Variants in ELAVL2 observed in about 807,000 individuals in gnomAD.
ELAVL2 encodes ELAV-like protein 2.
Under a neutral mutation model 34.6 loss-of-function variants are expected in ELAVL2, and 4 were observed. The ratio of observed to expected loss-of-function variants is 0.12; its 90% CI spans 0.06 to 0.26. ELAVL2 has a LOEUF of 0.26. Ranked by LOEUF, ELAVL2 falls within the 10% of genes least tolerant of loss-of-function variation. The pLI, the probability that ELAVL2 is intolerant of heterozygous loss-of-function variation, is 1.00. For synonymous variants in ELAVL2, 193 were observed against 154.8 expected, an observed-to-expected ratio of 1.25 and a Z score of -1.83; for missense variants, 432 against 442.8, an observed-to-expected ratio of 0.98 and a Z score of 0.22.
intron 3 of ELAVL2, among the ~76,000 whole-genome samples, chr9:23,715,573 A>G (rs1403869268): frequency 6.6e-6 from 1 of 152,178 alleles, no homozygotes; most frequent in African/African-American, 2.4e-5. Flanking sequence ...AAAATCAGAT[A>G]TATTCATTCA....
chr9:23,808,201 T>C (rs1347192241), intron 1 of ELAVL2, among the ~76,000 whole-genome samples: 2 of 148,656 alleles, frequency 1.3e-5, no homozygotes, highest in African/African-American at 5.0e-5. Context: ...CAAATGATCT[T>C]CACTAATCAC....
In ELAVL2 at chr9:23,762,002, T is replaced by A. The variant is rs769814644; in HGVS notation, c.229+4A>T. On this transcript the variant is annotated splice_donor_region_variant and intron_variant, in intron 2 of 6. Coordinates refer to ENST00000397312, the MANE Select transcript of ELAVL2 (RefSeq NM_004432.5). ...ATATAAATCATCTACATAAAACTGC[T>A]TACCTGTTATTTTGTCTCTTACAAG... The A allele has an allele frequency of 6.2e-7, 1 of 1,609,882 alleles. No individual in the cohort carries two copies. Among genetic ancestry groups the A allele is most frequent in the Non-Finnish European group, 8.5e-7 (1 of 1,177,658 alleles).
intron 1 of ELAVL2, among the ~76,000 whole-genome samples, chr9:23,788,428 G>C (rs866734866): frequency 6.6e-6 from 1 of 152,080 alleles, no homozygotes; most frequent in African/African-American, 2.4e-5. Flanking sequence ...AGCCCCAATA[G>C]ATGCCTGAAA....
intron 1 of ELAVL2, among the ~76,000 whole-genome samples, chr9:23,816,224 T>C (rs2063682017): frequency 7.2e-6 from 1 of 139,552 alleles, no homozygotes; most frequent in Admixed American, 8.0e-5. Flanking sequence ...TCTAAAGAAA[T>C]GCAGGAAAGC....
At chr9:23,772,534 CAAAAA>C (rs11450267) in intron 1 of ELAVL2, among the ~76,000 whole-genome samples, 15 of 67,658 alleles carry the variant, frequency 2.2e-4, no homozygotes, top group Admixed American at 1.9e-3. Context: ...CAGCTTACAC[CAAAAA>C]AAAAAAAAAA....
intron 2 of ELAVL2, among the ~76,000 whole-genome samples, chr9:23,735,802 A>G (rs1344103785): frequency 2.0e-5 from 3 of 152,214 alleles, no homozygotes; most frequent in Non-Finnish European, 4.4e-5. Context: ...ATCATGGTCA[A>G]GGGATCTATA....
chr9:23,770,370 C>T (rs1465073735), intron 1 of ELAVL2, among the ~76,000 whole-genome samples: 2 of 152,108 alleles, frequency 1.3e-5, no homozygotes, highest in Non-Finnish European at 2.9e-5. Context: ...AGAAAAATCC[C>T]CTTCCCCTCA....
At chr9:23,723,194 G>A (rs921017981) in intron 3 of ELAVL2, among the ~76,000 whole-genome samples, 5 of 152,048 alleles carry the variant, frequency 3.3e-5, no homozygotes, top group Non-Finnish European at 5.9e-5. Flanking sequence ...ATGATAGACT[G>A]GATTAAGAAA....
intron 3 of ELAVL2, among the ~76,000 whole-genome samples, chr9:23,707,171 C>T (rs2039595368): frequency 1.3e-5 from 2 of 152,162 alleles, no homozygotes; most frequent in South Asian, 4.1e-4. Flanking sequence ...AAGTGAAGAA[C>T]AAGTGGCCAA....
intron 4 of ELAVL2, among the ~76,000 whole-genome samples, chr9:23,702,981 A>AAAAAAAAAAAAAAAC (rs2037974733): frequency 1.5e-5 from 2 of 129,624 alleles, no homozygotes; most frequent in Non-Finnish European, 3.2e-5. Flanking sequence ...AAAAAAAAAA[A>AAAAAAAAAAAAAAAC]CAGCCTCTAC....
chr9:23,757,429 T>C, intron 2 of ELAVL2, among the ~76,000 whole-genome samples: 1 of 152,070 alleles, frequency 6.6e-6, no homozygotes. Flanking sequence ...GGCCTTGAAC[T>C]AGTCATTTCA....
the ELAVL2 span, among the ~76,000 whole-genome samples, chr9:23,846,074 T>C: frequency 3.2e-4 from 49 of 151,974 alleles, no homozygotes; most frequent in Non-Finnish European, 6.0e-4. Flanking sequence ...TATGTCCCAA[T>C]CTCTCAAGTC....
intron 1 of ELAVL2, among the ~76,000 whole-genome samples, chr9:23,766,926 C>T (rs535629647): frequency 4.6e-5 from 7 of 152,138 alleles, no homozygotes; most frequent in Non-Finnish European, 8.8e-5. Flanking sequence ...TCCAGTGAAA[C>T]AGAGCCATTA....
chr9:23,787,098 G>A (rs900058126), intron 1 of ELAVL2, among the ~76,000 whole-genome samples: 2 of 152,162 alleles, frequency 1.3e-5, no homozygotes, highest in African/African-American at 4.8e-5. Context: ...GCAAATGTGA[G>A]AAAGAATATG....
rs566915772 is a variant in ELAVL2, at chr9:23,776,136, T to A, written c.-15-13887A>T. Among the ~76,000 whole-genome samples, 26 of 152,194 alleles carry A rather than the reference T, an allele frequency of 1.7e-4. No individual in the cohort carries two copies. In the South Asian group the frequency reaches 5.0e-3, roughly 29 times the overall value. ...ATAGCTGGAGGAGCAGCCAAAGTCA[T>A]CTCAGGTTGTTTATAAAGAGGAAGG... On this transcript the variant is annotated intron_variant, in intron 1 of 6. Coordinates refer to ENST00000397312, the MANE Select transcript of ELAVL2 (RefSeq NM_004432.5).
chr9:23,806,206 A>G (rs2062198946), intron 1 of ELAVL2, among the ~76,000 whole-genome samples: 1 of 152,232 alleles, frequency 6.6e-6, no homozygotes, highest in African/African-American at 2.4e-5. Flanking sequence ...TTAAATATGT[A>G]AGTTATACAA....
At chr9:23,820,633 C>A (rs1032838855) in intron 1 of ELAVL2, among the ~76,000 whole-genome samples, 6 of 148,662 alleles carry the variant, frequency 4.0e-5, no homozygotes, top group African/African-American at 1.2e-4. Flanking sequence ...AAGGAAATGC[C>A]GTGAGAAAGA....
At chr9:23,742,428 T>C (rs2049447823) in intron 2 of ELAVL2, among the ~76,000 whole-genome samples, 1 of 152,174 alleles carries the variant, frequency 6.6e-6, no homozygotes, top group Admixed American at 6.5e-5. Context: ...TGCACGTACA[T>C]ACCTACGTCC....
intron 3 of ELAVL2, among the ~76,000 whole-genome samples, chr9:23,725,526 C>CT (rs2044884025): frequency 6.6e-6 from 1 of 152,186 alleles, no homozygotes; most frequent in Non-Finnish European, 1.5e-5. Flanking sequence ...TGCATACCCT[C>CT]TCCTCCTTCT....
Sources: gnomAD v4.1 joint callset for allele counts (sites outside exome capture counted in the v4.1 genomes callset) on GRCh38, gnomAD v4.1.1 for gene constraint, MANE v1.5 for transcripts, NCBI Gene and HGNC (gene_info 2026-07-23, HGNC 2026-07-21) for gene names.